Variants in ESRRB observed in about 807,000 individuals in gnomAD.
ESRRB encodes the protein estrogen related receptor beta, also known as steroid hormone receptor ERR2.
A neutral mutation model predicts 46.0 loss-of-function variants in ESRRB; 16 were observed. The ratio of observed to expected loss-of-function variants is 0.35; its 90% CI spans 0.24 to 0.53. ESRRB has a LOEUF of 0.53. Ranked by LOEUF, ESRRB falls within the 20% of genes least tolerant of loss-of-function variation. ESRRB has a pLI of 0.93. For missense variants in ESRRB, 488 were observed against 607.4 expected, an observed-to-expected ratio of 0.80 and a Z score of 2.07; for synonymous variants, 246 against 259.6, an observed-to-expected ratio of 0.95 and a Z score of 0.50.
At chr14:76,404,228 C>G (rs1403652451) in intron 1 of ESRRB, among the ~76,000 whole-genome samples, 1 of 151,996 alleles carries the variant, frequency 6.6e-6, no homozygotes, top group African/African-American at 2.4e-5. Context: ...CAGTACTCAC[C>G]AGGGACCTAG....
At chr14:76,387,324 C>A (rs1343518546) in intron 1 of ESRRB, among the ~76,000 whole-genome samples, 1 of 152,214 alleles carries the variant, frequency 6.6e-6, no homozygotes, top group South Asian at 2.1e-4. Context: ...GCCCCGGGTA[C>A]GGGGAATGGA....
At chr14:76,461,235 T>C (rs1888845989) in intron 2 of ESRRB, among the ~76,000 whole-genome samples, 1 of 152,196 alleles carries the variant, frequency 6.6e-6, no homozygotes, top group Non-Finnish European at 1.5e-5. Context: ...TCACACTGCA[T>C]AGAAACACTT....
chr14:76,443,381 G>C (rs544482816), intron 2 of ESRRB, among the ~76,000 whole-genome samples: 3 of 152,250 alleles, frequency 2.0e-5, no homozygotes, highest in South Asian at 4.1e-4. Flanking sequence ...CTGAGTCTGG[G>C]GGAAGGCCCT....
chr14:76,464,735 C>T (rs1889034594), intron 3 of ESRRB, among the ~76,000 whole-genome samples: 1 of 152,170 alleles, frequency 6.6e-6, no homozygotes, highest in Non-Finnish European at 1.5e-5. Flanking sequence ...TGGTCTTGCT[C>T]CTGGATAGGA....
rs73318368 is a variant in ESRRB, at chr14:76,448,280, C to G, written c.460+8530C>G. 6.3e-4 allele frequency among the ~76,000 whole-genome samples: 96 copies of G among 151,948 alleles called. 1 individual carries two copies. Among genetic ancestry groups the G allele is most frequent in the African/African-American group, 2.2e-3 (92 of 41,472 alleles). ...TTATTGCCATTTTTTTTGTCTGATACCCCAAGAAGAGTACAAGCTCCTAAG... is the reference window on the plus strand; with the variant it reads ...TTATTGCCATTTTTTTTGTCTGATAGCCCAAGAAGAGTACAAGCTCCTAAG... On this transcript the variant is annotated intron_variant, in intron 2 of 6. Coordinates refer to ENST00000644823, the MANE Select transcript of ESRRB (RefSeq NM_001379180.1).
intron 1 of ESRRB, among the ~76,000 whole-genome samples, chr14:76,339,473 G>A (rs1190683103): frequency 1.3e-5 from 2 of 152,134 alleles, no homozygotes; most frequent in Non-Finnish European, 2.9e-5. Context: ...CACCTCTTGG[G>A]GCCCCATGAG....
At chr14:76,355,796 G>T (rs988220874) in intron 1 of ESRRB, among the ~76,000 whole-genome samples, 1 of 152,148 alleles carries the variant, frequency 6.6e-6, no homozygotes, top group Non-Finnish European at 1.5e-5. Flanking sequence ...TTCGATGTTA[G>T]TTCCCCATCT....
intron 2 of ESRRB, among the ~76,000 whole-genome samples, chr14:76,451,017 TGACTTAG>T (rs1258941924): frequency 2.0e-5 from 3 of 152,214 alleles, no homozygotes; most frequent in Non-Finnish European, 4.4e-5. Context: ...GGTCAGCCTG[TGACTTAG>T]GTGACACATA....
intron 1 of ESRRB, among the ~76,000 whole-genome samples, chr14:76,413,949 ATCCCTCGCCCCTGCACCG>A: frequency 2.9e-5 from 1 of 35,010 alleles, no homozygotes; most frequent in South Asian, 1.7e-3. Context: ...CCCCTGCACC[ATCCCTCGCCCCTGCACCG>A]TCCCCGCCCC....
At chr14:76,436,229 A>T (rs540869845) in intron 1 of ESRRB, among the ~76,000 whole-genome samples, 1 of 152,322 alleles carries the variant, frequency 6.6e-6, no homozygotes, top group South Asian at 2.1e-4. Context: ...AGACGGGTGC[A>T]GGGAGGCAGT....
intron 2 of ESRRB, among the ~76,000 whole-genome samples, chr14:76,446,093 G>A (rs1158483225): frequency 6.6e-6 from 1 of 152,152 alleles, no homozygotes; most frequent in Non-Finnish European, 1.5e-5. Context: ...AGCCACCCTT[G>A]GTTGTATAAA....
At chr14:76,431,701 G>T (rs897752236) in intron 1 of ESRRB, among the ~76,000 whole-genome samples, 3 of 152,228 alleles carry the variant, frequency 2.0e-5, no homozygotes, top group Non-Finnish European at 4.4e-5. Context: ...GATGCCCCAA[G>T]GGGCTTCGAC....
chr14:76,377,599 A>T (rs1484438961), intron 1 of ESRRB, among the ~76,000 whole-genome samples: 2 of 151,870 alleles, frequency 1.3e-5, no homozygotes, highest in Non-Finnish European at 2.9e-5. Flanking sequence ...TTTCTGACGC[A>T]AACTAAATTC....
intron 3 of ESRRB, among the ~76,000 whole-genome samples, chr14:76,472,711 C>T (rs1355058597): frequency 6.6e-6 from 1 of 152,228 alleles, no homozygotes; most frequent in East Asian, 1.9e-4. Context: ...TCAGCATGCC[C>T]ACACAACTTC....
At chr14:76,359,530 G>A (rs1370834851) in intron 1 of ESRRB, among the ~76,000 whole-genome samples, 1 of 152,188 alleles carries the variant, frequency 6.6e-6, no homozygotes, top group Non-Finnish European at 1.5e-5. Context: ...TGCCCAGAGA[G>A]TTGAGTAGAG....
chr14:76,421,279 A>G (rs1193213178), intron 1 of ESRRB, among the ~76,000 whole-genome samples: 1 of 152,120 alleles, frequency 6.6e-6, no homozygotes, highest in Non-Finnish European at 1.5e-5. Context: ...TGGCATCAGG[A>G]TGGCTTAGAG....
chr14:76,457,074 C>CAGCT (rs1858214483), intron 2 of ESRRB, among the ~76,000 whole-genome samples: 1 of 152,148 alleles, frequency 6.6e-6, no homozygotes, highest in African/African-American at 2.4e-5. Flanking sequence ...CTGCTCTCTG[C>CAGCT]AGCTGTTCAT....
At chr14:76,480,784 G>A (rs1414284140) in intron 3 of ESRRB, among the ~76,000 whole-genome samples, 1 of 152,206 alleles carries the variant, frequency 6.6e-6, no homozygotes, top group African/African-American at 2.4e-5. Context: ...GGGCCCTGAA[G>A]GTCAACTGAC....
rs1884758111 is a variant in ESRRB at position 76,376,211 on chromosome 14, T to C, written c.-191T>C. The stretch of plus-strand genomic sequence containing the variant: ...GCTCTCTCCGGAGCGTGCGGATGAG[T>C]GGAGAGCTGGGCTGTGCGCGCACGG... On this transcript the variant is annotated 5_prime_UTR_variant, in exon 1 of 7. Coordinates refer to ENST00000644823, the MANE Select transcript of ESRRB (RefSeq NM_001379180.1). The surrounding 1 kb of genome is among the most constrained non-coding windows in gnomAD (Gnocchi z 4.1). 2 of 397,946 alleles carry C rather than the reference T, an allele frequency of 5.0e-6. No homozygotes were observed. Among genetic ancestry groups the C allele is most frequent in the Admixed American group, 4.4e-5 (1 of 22,546 alleles). The allele number at this position is 397,946 out of a possible 1,614,324, so 24.7% of individuals were successfully genotyped here.
Sources: gnomAD v4.1 joint callset for allele counts (sites outside exome capture counted in the v4.1 genomes callset) on GRCh38, gnomAD v4.1.1 for gene constraint, Gnocchi (gnomAD v3.1) non-coding constraint, MANE v1.5 for transcripts, NCBI Gene and HGNC (gene_info 2026-07-23, HGNC 2026-07-21) for gene names.